The following NRG3 variants were observed in gnomAD, a reference collection of about 807,000 sequenced individuals.
NRG3 encodes pro-neuregulin-3, membrane-bound isoform.
In NRG3, 31 loss-of-function variants were observed where a neutral mutation model predicts 66.9. The observed-to-expected ratio is 0.46, with a 90% CI of 0.35 to 0.63. The LOEUF is 0.63. NRG3 is among the 20% of genes least tolerant of loss of function. The pLI, the probability that NRG3 is intolerant of heterozygous loss-of-function variation, is 0.00. For missense variants in NRG3, 910 were observed against 878.9 expected (o/e 1.04, Z -0.45); for synonymous variants, 393 against 359.4 (o/e 1.09, Z -1.06).
chr10:82,358,637 C>T (rs1163614697), intron 1 of NRG3, 102 bp from the exon 2 acceptor site: 1 of 1,516,190 alleles, frequency 6.6e-7, no homozygotes, highest in Non-Finnish European at 9.0e-7. Context: ...GAGGTCAGAG[C>T]CCATGAGAAG....
intron 2 of NRG3, among the ~76,000 whole-genome samples, chr10:82,712,662 T>C (rs1450454216): frequency 1.3e-5 from 2 of 152,120 alleles, no homozygotes. Context: ...AAGTTAAAGA[T>C]GCTGGTCAGG....
At chr10:81,990,760 G>C (rs543489784) in intron 1 of NRG3, among the ~76,000 whole-genome samples, 8 of 152,126 alleles carry the variant, frequency 5.3e-5, no homozygotes, top group African/African-American at 1.4e-4. Flanking sequence ...ATGCTGAAAT[G>C]CCTTTTATAT....
chr10:82,429,023 T>A (rs901052855), intron 2 of NRG3, among the ~76,000 whole-genome samples: 6 of 152,044 alleles, frequency 3.9e-5, no homozygotes, highest in Non-Finnish European at 8.8e-5. Flanking sequence ...TAGTATGTTT[T>A]GAGTTATTTG....
chr10:82,504,000 A>C (rs1048374335), intron 2 of NRG3, among the ~76,000 whole-genome samples: 1 of 152,176 alleles, frequency 6.6e-6, no homozygotes, highest in South Asian at 2.1e-4. Flanking sequence ...CTTACTTCTC[A>C]GTTTGCTCTG....
chr10:82,864,613 A>G (rs12254634), intron 3 of NRG3, among the ~76,000 whole-genome samples: 4,611 of 152,328 alleles, frequency 0.03, 187 homozygotes, highest in African/African-American at 0.096. Context: ...AACCATTTAA[A>G]TAGAGGAACA....
intron 2 of NRG3, among the ~76,000 whole-genome samples, chr10:82,554,069 C>A (rs1053577779): frequency 1.3e-5 from 2 of 152,086 alleles, no homozygotes; most frequent in African/African-American, 2.4e-5. Context: ...GGGTTTACAA[C>A]AAACAGATGC....
At chr10:82,179,064 T>C (rs560617984) in intron 1 of NRG3, among the ~76,000 whole-genome samples, 1 of 152,192 alleles carries the variant, frequency 6.6e-6, no homozygotes, top group Admixed American at 6.5e-5. Context: ...ATTCAGGCCC[T>C]TTGCTCATTT....
In NRG3 at chr10:82,432,714, G is replaced by T. The variant is rs181015014; in HGVS notation, c.953+73846G>T. Among the ~76,000 whole-genome samples the T allele has an allele frequency of 3.7e-3, 569 of 152,184 alleles. 1 individual carries two copies. Among genetic ancestry groups the T allele is most frequent in the Non-Finnish European group, 5.8e-3 (397 of 68,012 alleles). On this transcript the variant is annotated intron_variant, in intron 2 of 8. Transcript: ENST00000372141. The stretch of plus-strand genomic sequence containing the variant: ...TCACTTATGAATGAGAATATGCTGT[G>T]TTTGGTTTTCTGTTCCTGTGTTAGT...
chr10:82,025,336 A>G (rs1426114769), intron 1 of NRG3, among the ~76,000 whole-genome samples: 2 of 151,446 alleles, frequency 1.3e-5, no homozygotes, highest in Admixed American at 1.3e-4. Flanking sequence ...ATGTACGTAT[A>G]TTTGAATATA....
chr10:82,561,039 C>G (rs1393611416), intron 2 of NRG3, among the ~76,000 whole-genome samples: 1 of 152,068 alleles, frequency 6.6e-6, no homozygotes, highest in Admixed American at 6.6e-5. Context: ...TTCTTTTACT[C>G]TCTTTACTGG....
intron 1 of NRG3, among the ~76,000 whole-genome samples, chr10:81,913,483 G>C (rs1324368564): frequency 6.6e-6 from 1 of 151,794 alleles, no homozygotes; most frequent in Non-Finnish European, 1.5e-5. Context: ...GAGTGCAGTG[G>C]TGTGTTCTCG....
In NRG3 at chr10:82,974,683, A is replaced by G. The variant is rs540613825; in HGVS notation, c.1412+768A>G. 1.1e-4 allele frequency among the ~76,000 whole-genome samples: 17 copies of G among 152,362 alleles called. No homozygotes were observed. In the East Asian group the frequency reaches 2.9e-3, roughly 26 times the overall value. On this transcript the variant is annotated intron_variant, in intron 7 of 8. Coordinates refer to ENST00000372141, the MANE Select transcript of NRG3 (RefSeq NM_001010848.4). ...TTAGTGAAATGTACAATATTTTACA[A>G]TTTGAAAAAATTATGAAAAATTAAA...
At chr10:82,237,661 C>T (rs776819697) in intron 1 of NRG3, among the ~76,000 whole-genome samples, 5 of 151,974 alleles carry the variant, frequency 3.3e-5, no homozygotes, top group Non-Finnish European at 7.4e-5. Context: ...GCAAATTTAC[C>T]TCTCCCCAGC....
intron 1 of NRG3, among the ~76,000 whole-genome samples, chr10:82,347,395 C>T (rs943991669): frequency 3.9e-5 from 6 of 152,094 alleles, no homozygotes; most frequent in African/African-American, 1.4e-4. Flanking sequence ...CATTCTTAAT[C>T]CTGAGTTCTA....
intron 2 of NRG3, among the ~76,000 whole-genome samples, chr10:82,465,681 G>A (rs924690994): frequency 6.6e-6 from 1 of 152,126 alleles, no homozygotes; most frequent in African/African-American, 2.4e-5. Context: ...TGGGCTCTTA[G>A]GGGGTGGGGG....
At chr10:82,918,720 C>A (rs1418832886) in intron 4 of NRG3, among the ~76,000 whole-genome samples, 1 of 152,110 alleles carries the variant, frequency 6.6e-6, no homozygotes, top group Non-Finnish European at 1.5e-5. Flanking sequence ...GTCCTGATAT[C>A]CATCGGTTAT....
intron 1 of NRG3, among the ~76,000 whole-genome samples, chr10:82,286,578 T>A (rs1178258871): frequency 6.6e-6 from 1 of 152,202 alleles, no homozygotes; most frequent in Non-Finnish European, 1.5e-5. Flanking sequence ...AGCATTTATT[T>A]ATTTTTATTT....
At position 82,186,841 on chromosome 10, in the gene NRG3, C is replaced by G. The variant is rs150384566; in HGVS notation, c.824-171898C>G. On this transcript the variant is annotated intron_variant, in intron 1 of 8. Transcript: ENST00000372141. The stretch of plus-strand genomic sequence containing the variant: ...GATTCTGAGGCTTTGAGATACTGGA[C>G]TCTGGTCTGGTAAGACTTGTTTCTC... 3.3e-5 allele frequency among the ~76,000 whole-genome samples: 5 copies of G among 152,266 alleles called. No homozygotes were observed. The East Asian group carries it at 9.7e-4, about 29-fold the overall frequency.
At chr10:81,989,632 T>G (rs2060660078) in intron 1 of NRG3, among the ~76,000 whole-genome samples, 1 of 152,166 alleles carries the variant, frequency 6.6e-6, no homozygotes, top group Non-Finnish European at 1.5e-5. Context: ...ACAAAACTGG[T>G]TTCATTGGTT....
Sources: gnomAD v4.1 joint callset for allele counts (sites outside exome capture counted in the v4.1 genomes callset) on GRCh38, gnomAD v4.1.1 for gene constraint, MANE v1.5 for transcripts, NCBI Gene and HGNC (gene_info 2026-07-23, HGNC 2026-07-21) for gene names.